The following ZBED6 variants were observed in gnomAD, a reference collection of about 807,000 sequenced individuals.
ZBED6 encodes zinc finger BED domain-containing protein 6.
ZBED6 carries 40 observed loss-of-function variants against 58.4 expected under a neutral mutation model. That is an observed-to-expected ratio of 0.68 (90% CI 0.53 to 0.89). The LOEUF is 0.89. Among genes scored for constraint, ZBED6 ranks in the 40% least tolerant of loss-of-function variants. ZBED6 has a pLI of 0.00. For synonymous variants in ZBED6, 439 were observed against 350.6 expected (o/e 1.25, Z -2.82); for missense variants, 1,057 against 1,003.9 (o/e 1.05, Z -0.71).
rs556154168 is a variant in ZBED6, at chr1:203,797,371, A to G, written c.-152A>G. 3.3e-4 allele frequency: 230 copies of G among 690,554 alleles called. 1 individual carries two copies. The highest frequency in any genetic ancestry group is 4.7e-4 in the Non-Finnish European group (211 of 450,136). 42.8% of individuals were successfully genotyped at this position (690,554 alleles called of 1,614,324 possible). A position where few individuals can be genotyped will look rare whatever the true frequency, so the allele number is the denominator to read the frequency against. On this transcript the variant is annotated 5_prime_UTR_variant, in exon 1 of 17. It adds an upstream start codon to the 5' untranslated region. Coordinates refer to ENST00000550078, the Ensembl canonical transcript of ZBED6. ...TTGCTGTCAGTTTTCCTCCAAAAAT[A>G]ACCTGGCTTGGAAGTTATTGGTCCA...
intron 3 of ZBED6, among the ~76,000 whole-genome samples, chr1:203,820,951 C>T (rs116315504): frequency 0.021 from 3,261 of 151,916 alleles, 49 homozygotes; most frequent in Middle Eastern, 0.034. Context: ...GACCCTTTAC[C>T]CCGTTTCTCA....
Position 203,818,748 on chromosome 1 carries a change from A to C in ZBED6, c.*2873+59A>C, listed in dbSNP as rs191907007. On this transcript the variant is annotated intron_variant, in intron 3 of 16. Coordinates refer to ENST00000550078, the Ensembl canonical transcript of ZBED6. ...GTCTGGAGACCTGGTGGGCCAATAA[A>C]AAATATAGGGACAAAAGTGACTTTT... 1.5e-5 allele frequency: 24 copies of C among 1,610,592 alleles called. 1 individual carries two copies. The South Asian group carries it at 2.4e-4, about 16-fold the overall frequency.
exon 16 of ZBED6, chr1:203,851,122 C>G (rs764985665): frequency 6.2e-6 from 10 of 1,613,982 alleles, no homozygotes; most frequent in Non-Finnish European, 8.5e-6. Flanking sequence ...ATCCTAGAGA[C>G]AGGTAATACT....
At chr1:203,796,522 A>G (rs572833337) in exon 1 of ZBED6, 4 of 398,960 alleles carry the variant, frequency 1.0e-5, no homozygotes, top group Admixed American at 4.4e-5. Context: ...GGGAAGGCCT[A>G]TATTGTTGAC....
At chr1:203,838,716 C>T (rs773846293) in intron 10 of ZBED6, among the ~76,000 whole-genome samples, 4 of 151,958 alleles carry the variant, frequency 2.6e-5, no homozygotes, top group African/African-American at 7.2e-5. Context: ...TTTGGGAGGC[C>T]GAGGTGGGTG....
At chr1:203,821,409 G>A (rs554939003) in intron 3 of ZBED6, among the ~76,000 whole-genome samples, 8 of 151,982 alleles carry the variant, frequency 5.3e-5, no homozygotes, top group Admixed American at 2.0e-4. Flanking sequence ...TCAGTGTGTC[G>A]TACTCTGTTA....
In ZBED6 at chr1:203,797,728, G is replaced by A. The variant is rs928522379; in HGVS notation, c.206G>A (p.Arg69Gln). Residue 69 changes from arginine to glutamine, a missense_variant, in exon 1 of 17, where the codon CGA becomes CAA. Arg to Gln is a conservative substitution (Grantham distance 43). Coordinates refer to ENST00000550078, the Ensembl canonical transcript of ZBED6. ...AAAAAGAAAAGAAAGAAGGGTTTGC[G>A]AATTAAGGGGAAAAGGCGTCGAAAA... The A allele has an allele frequency of 1.4e-5, 21 of 1,535,128 alleles. No homozygotes were observed. In the Middle Eastern group the frequency reaches 5.0e-4, roughly 37 times the overall value.
chr1:203,841,421 A>G (rs1190724859), intron 11 of ZBED6, among the ~76,000 whole-genome samples: 5 of 152,316 alleles, frequency 3.3e-5, no homozygotes, highest in South Asian at 2.1e-4. Flanking sequence ...CCCTTAATCA[A>G]TTTAACCCTG....
In ZBED6 at chr1:203,840,296, C is replaced by T; in HGVS notation, c.*3673-10C>T. On this transcript the variant is annotated splice_polypyrimidine_tract_variant and intron_variant, in intron 10 of 16. Coordinates refer to ENST00000550078, the Ensembl canonical transcript of ZBED6. ...CAACTTTTGATTTTTGAAAATCTTT[C>T]TTTTCACAGCTCAAGTTTCCAAGTC... The T allele has an allele frequency of 6.2e-7, 1 of 1,611,414 alleles. No homozygotes were observed.
intron 2 of ZBED6, 101 bp downstream of exon 2, chr1:203,817,225 T>A (rs1325556299): frequency 2.1e-6 from 2 of 955,778 alleles, no homozygotes; most frequent in Non-Finnish European, 2.9e-6. Context: ...ATATATATAT[T>A]TTTTGCCCAA....
At chr1:203,809,634 T>C (rs1312792256) in intron 1 of ZBED6, among the ~76,000 whole-genome samples, 2 of 152,178 alleles carry the variant, frequency 1.3e-5, no homozygotes, top group African/African-American at 4.8e-5. Flanking sequence ...GGCTTCATAT[T>C]TTCAAACGGT....
chr1:203,815,216 C>CTTT lies in ZBED6; in HGVS notation c.*2555-1696_*2555-1694dup, dbSNP rs59254922. 2.6e-3 allele frequency among the ~76,000 whole-genome samples: 254 copies of CTTT among 97,124 alleles called. 19 individuals carry two copies. The highest frequency in any genetic ancestry group is 9.3e-3 in the Middle Eastern group (1 of 108). 63.7% of individuals were successfully genotyped at this position (97,124 alleles called of 152,430 possible). On this transcript the variant is annotated intron_variant, in intron 1 of 16. Coordinates refer to ENST00000550078, the Ensembl canonical transcript of ZBED6. ...TTCATTATTTTCTTCCTTTTCTTTT[C>CTTT]TTTTTTTTTTTTTTTTGAGACAGTG...
At chr1:203,843,244 A>AT (rs1233097011) in intron 11 of ZBED6, among the ~76,000 whole-genome samples, 1 of 152,180 alleles carries the variant, frequency 6.6e-6, no homozygotes, top group African/African-American at 2.4e-5. Context: ...GATAATCAGT[A>AT]TTTATCATAA....
At chr1:203,845,212 AT>A (rs1687562755) in intron 11 of ZBED6, among the ~76,000 whole-genome samples, 1 of 152,004 alleles carries the variant, frequency 6.6e-6, no homozygotes, top group South Asian at 2.1e-4. Flanking sequence ...TGACATCCTT[AT>A]TTCTCATTGC....
chr1:203,823,354 G>T (rs1408607564), intron 3 of ZBED6, among the ~76,000 whole-genome samples: 2 of 152,194 alleles, frequency 1.3e-5, no homozygotes, highest in Non-Finnish European at 2.9e-5. Context: ...TGAAAATGCA[G>T]CAATGCATGT....
At chr1:203,815,583 C>T (rs1052409766) in intron 1 of ZBED6, among the ~76,000 whole-genome samples, 2 of 152,006 alleles carry the variant, frequency 1.3e-5, no homozygotes, top group Non-Finnish European at 2.9e-5. Context: ...AATACTTTTA[C>T]ATATTATAAT....
exon 1 of ZBED6, chr1:203,802,714 C>CTTTTTTTTTTTTTTTTTTTTT (rs150416242): frequency 3.0e-5 from 4 of 131,646 alleles, no homozygotes; most frequent in Non-Finnish European, 3.3e-5. Flanking sequence ...TAAATGAACT[C>CTTTTTTTTTTTTTTTTTTTTT]TTTTTTTTTG....
exon 1 of ZBED6, chr1:203,802,714 C>CT (rs150416242): frequency 0.52 from 67,813 of 131,342 alleles, 16,737 homozygotes; most frequent in Non-Finnish European, 0.57. Context: ...TAAATGAACT[C>CT]TTTTTTTTTG....
exon 17 of ZBED6, chr1:203,853,494 T>TA (rs1452578087): frequency 6.6e-6 from 1 of 152,608 alleles, no homozygotes; most frequent in Non-Finnish European, 1.5e-5. Context: ...CCTCAAGGTT[T>TA]AGATTTGTGA....
Sources: allele counts gnomAD v4.1 joint callset (sites outside exome capture counted in the v4.1 genomes callset), GRCh38; gene constraint gnomAD v4.1.1; transcripts MANE v1.5; gene names NCBI Gene and HGNC (gene_info 2026-07-23, HGNC 2026-07-21).